Variants in KCNIP4 observed in about 807,000 individuals in gnomAD.
KCNIP4 encodes Kv channel-interacting protein 4.
Under a neutral mutation model 34.0 loss-of-function variants are expected in KCNIP4, and 12 were observed. The observed-to-expected ratio is 0.35, with a 90% CI of 0.23 to 0.57. The LOEUF is 0.57. Ranked by LOEUF, KCNIP4 falls within the 20% of genes least tolerant of loss-of-function variation. The pLI, the probability that KCNIP4 is intolerant of heterozygous loss-of-function variation, is 0.83. For synonymous variants in KCNIP4, 124 were observed against 102.2 expected (o/e 1.21, Z -1.29); for missense variants, 238 against 311.7 (o/e 0.76, Z 1.78).
intron 1 of KCNIP4, among the ~76,000 whole-genome samples, chr4:21,566,856 A>G (rs1739934343): frequency 6.6e-6 from 1 of 152,098 alleles, no homozygotes; most frequent in Non-Finnish European, 1.5e-5. Flanking sequence ...TGCAACATCA[A>G]GGAACCCACA....
intron 1 of KCNIP4, among the ~76,000 whole-genome samples, chr4:21,843,154 C>G (rs1473667704): frequency 1.3e-5 from 2 of 152,020 alleles, no homozygotes; most frequent in Admixed American, 6.6e-5. Flanking sequence ...CTTTTGAAAA[C>G]TAAGTTAACT....
chr4:21,183,468 TG>T (rs1754993229), intron 1 of KCNIP4, among the ~76,000 whole-genome samples: 2 of 140,658 alleles, frequency 1.4e-5, no homozygotes, highest in Middle Eastern at 3.4e-3. Flanking sequence ...GTGTTGTTTT[TG>T]TTTTTTTTTT....
At chr4:21,219,066 T>A (rs969978563) in intron 1 of KCNIP4, among the ~76,000 whole-genome samples, 1 of 152,152 alleles carries the variant, frequency 6.6e-6, no homozygotes, top group South Asian at 2.1e-4. Context: ...TTAAAAACTG[T>A]GGTTGGCTTA....
intron 1 of KCNIP4, among the ~76,000 whole-genome samples, chr4:21,859,852 A>T (rs976112504): frequency 6.6e-6 from 1 of 151,958 alleles, no homozygotes; most frequent in African/African-American, 2.4e-5. Flanking sequence ...ACAGAGTGAG[A>T]CTTATCTCTA....
intron 1 of KCNIP4, among the ~76,000 whole-genome samples, chr4:21,611,412 G>T (rs546653999): frequency 2.0e-5 from 3 of 152,162 alleles, no homozygotes; most frequent in African/African-American, 7.2e-5. Context: ...CAGCATGGGG[G>T]AAGCCACCTC....
chr4:20,772,101 T>C (rs1755941511), intron 3 of KCNIP4, among the ~76,000 whole-genome samples: 1 of 152,142 alleles, frequency 6.6e-6, no homozygotes, highest in Non-Finnish European at 1.5e-5. Flanking sequence ...GTTTAAGAAA[T>C]GAGCACAGGG....
At chr4:20,730,185 A>G (rs1268869260) in intron 8 of KCNIP4, 56 bp from the exon 9 acceptor site, 3 of 1,551,354 alleles carry the variant, frequency 1.9e-6, no homozygotes, top group Middle Eastern at 1.7e-4. Flanking sequence ...GGAAAAGTAC[A>G]CTATTTTGCC....
At chr4:21,751,450 A>G (rs1011301494) in intron 1 of KCNIP4, among the ~76,000 whole-genome samples, 29 of 152,254 alleles carry the variant, frequency 1.9e-4, no homozygotes, top group Admixed American at 1.3e-4. Context: ...AAGAATCTGC[A>G]GGAGAAAAGC....
intron 1 of KCNIP4, among the ~76,000 whole-genome samples, chr4:21,008,766 C>T (rs9631706): frequency 0.26 from 40,086 of 151,512 alleles, 6,081 homozygotes; most frequent in African/African-American, 0.41. Context: ...TCTGGTGATC[C>T]GCCCGCCTCG....
intron 1 of KCNIP4, among the ~76,000 whole-genome samples, chr4:20,986,963 C>A (rs1462119662): frequency 6.6e-6 from 1 of 152,124 alleles, no homozygotes; most frequent in Non-Finnish European, 1.5e-5. Context: ...GCTACCGGAT[C>A]GAATCTGCTG....
chr4:20,848,381 T>G (rs1167117579), intron 3 of KCNIP4, among the ~76,000 whole-genome samples: 2 of 125,392 alleles, frequency 1.6e-5, no homozygotes, highest in Non-Finnish European at 3.4e-5. Context: ...CAAGGAGGAG[T>G]GAAGAAATAA....
chr4:21,506,301 G>C (rs1426744935), intron 1 of KCNIP4, among the ~76,000 whole-genome samples: 1 of 152,076 alleles, frequency 6.6e-6, no homozygotes, highest in East Asian at 1.9e-4. Context: ...CCTCTTCATA[G>C]CCACCTGACA....
At chr4:21,257,237 T>C (rs1321729008) in intron 1 of KCNIP4, among the ~76,000 whole-genome samples, 1 of 152,206 alleles carries the variant, frequency 6.6e-6, no homozygotes, top group Non-Finnish European at 1.5e-5. Context: ...ATGTTCGATT[T>C]GAGACGTCTC....
At chr4:21,451,450 G>T (rs1728499385) in intron 1 of KCNIP4, among the ~76,000 whole-genome samples, 1 of 152,076 alleles carries the variant, frequency 6.6e-6, no homozygotes, top group Admixed American at 6.6e-5. Context: ...TTTGAATTTT[G>T]GTTCCACTAA....
intron 1 of KCNIP4, among the ~76,000 whole-genome samples, chr4:21,751,360 G>C (rs1717139413): frequency 6.6e-6 from 1 of 152,016 alleles, no homozygotes; most frequent in South Asian, 2.1e-4. Context: ...TTGCATTAAA[G>C]GATTATTATT....
chr4:21,484,543 C>T (rs358582), intron 1 of KCNIP4, among the ~76,000 whole-genome samples: 106,799 of 152,096 alleles, frequency 0.7, 38,056 homozygotes, highest in African/African-American at 0.83. Flanking sequence ...TAATGTTGTG[C>T]AGGTTATAGG....
intron 1 of KCNIP4, among the ~76,000 whole-genome samples, chr4:21,474,380 T>C (rs1730736679): frequency 6.6e-6 from 1 of 152,186 alleles, no homozygotes; most frequent in South Asian, 2.1e-4. Flanking sequence ...GCAATGTTTT[T>C]ATGCTGACTT....
chr4:21,238,802 C>T (rs1278330338), intron 1 of KCNIP4, among the ~76,000 whole-genome samples: 1 of 152,136 alleles, frequency 6.6e-6, no homozygotes, highest in Non-Finnish European at 1.5e-5. Flanking sequence ...GGCTATACTG[C>T]CCAAGGTAAT....
intron 1 of KCNIP4, among the ~76,000 whole-genome samples, chr4:21,240,979 T>G (rs1029218106): frequency 6.6e-6 from 1 of 152,054 alleles, no homozygotes; most frequent in Non-Finnish European, 1.5e-5. Context: ...AAGTGCAAAA[T>G]AAGAACCAAA....
Sources: gnomAD v4.1 joint callset for allele counts (sites outside exome capture counted in the v4.1 genomes callset) on GRCh38, gnomAD v4.1.1 for gene constraint, MANE v1.5 for transcripts, NCBI Gene and HGNC (gene_info 2026-07-23, HGNC 2026-07-21) for gene names.